SLC12A2: variants seen among roughly 807,000 people sequenced by gnomAD.
The protein encoded by SLC12A2 is Na-K-2Cl cotransporter 1.
SLC12A2 carries 67 observed loss-of-function variants against 136.3 expected under a neutral mutation model. The ratio of observed to expected loss-of-function variants is 0.49; its 90% confidence interval spans 0.40 to 0.60. The LOEUF is 0.60. SLC12A2 is among the 20% of genes least tolerant of loss of function. The pLI is 0.00. For synonymous variants in SLC12A2, 619 were observed against 562.9 expected (o/e 1.10, Z -1.41); for missense variants, 1,322 against 1,534.7 (o/e 0.86, Z 2.32).
chr5:128,089,726 A>G (rs1760241573), intron 1 of SLC12A2, among the ~76,000 whole-genome samples: 1 of 152,200 alleles, frequency 6.6e-6, no homozygotes, highest in African/African-American at 2.4e-5. Flanking sequence ...TGTTCATGGA[A>G]TGTACAAATC....
chr5:128,141,969 GAAC>G lies in SLC12A2; in HGVS notation c.1765_1767del (p.Asn589del). On this transcript the variant is annotated inframe_deletion, in exon 10 of 27. Transcript: ENST00000262461. ...GCAGTCCTTGTTCCTATGGCCTAAT[GAAC>G]AACTTCCAGGTGAGCATTGACTTTG... 6.2e-7 allele frequency: 1 copy of G among 1,613,684 alleles called. No individual in the cohort carries two copies. The highest frequency in any genetic ancestry group is 8.5e-7 in the Non-Finnish European group (1 of 1,179,796).
rs769820032 is a variant in SLC12A2 at position 128,148,929 on chromosome 5, T to G, written c.2005+52T>G. 2.9e-6 allele frequency: 4 copies of G among 1,403,176 alleles called. No homozygotes were observed. The Admixed American group carries it at 9.7e-5, about 34-fold the overall frequency. The allele number at this position is 1,403,176 out of a possible 1,614,324, so 86.9% of individuals were successfully genotyped here. A position where few individuals can be genotyped will look rare whatever the true frequency, so the allele number is the denominator to read the frequency against. ...GTAGATTTTTGGTGCATATTAGTTCTAGACGTTGAATTATTAAATTATTAA... is the reference window on the plus strand; with the variant it reads ...GTAGATTTTTGGTGCATATTAGTTCGAGACGTTGAATTATTAAATTATTAA... On this transcript the variant is annotated intron_variant, in intron 12 of 26. Coordinates refer to ENST00000262461, the MANE Select transcript of SLC12A2 (RefSeq NM_001046.3).
chr5:128,118,670 C>A (rs1386142582), intron 4 of SLC12A2, among the ~76,000 whole-genome samples: 1 of 152,072 alleles, frequency 6.6e-6, no homozygotes, highest in Non-Finnish European at 1.5e-5. Flanking sequence ...TCAGAAATCA[C>A]CATTAAAGAA....
intron 6 of SLC12A2, among the ~76,000 whole-genome samples, chr5:128,135,118 C>G (rs942390607): frequency 1.3e-5 from 2 of 151,950 alleles, no homozygotes; most frequent in African/African-American, 4.8e-5. Flanking sequence ...CATGAGTGTT[C>G]AGGTTTATTG....
intron 1 of SLC12A2, chr5:128,110,062 C>T (rs1761087004): frequency 1.0e-6 from 1 of 985,196 alleles, no homozygotes; most frequent in Admixed American, 1.7e-5. Context: ...TGTCACTACA[C>T]CTTAAAAGAT....
intron 1 of SLC12A2, among the ~76,000 whole-genome samples, chr5:128,087,321 A>G (rs17839658): frequency 0.12 from 17,700 of 152,258 alleles, 1,092 homozygotes; most frequent in African/African-American, 0.16. Flanking sequence ...GTGATTAGCA[A>G]ACCAGTTACT....
chr5:128,126,660 T>C (rs1036447391), intron 4 of SLC12A2, among the ~76,000 whole-genome samples: 3 of 152,012 alleles, frequency 2.0e-5, no homozygotes, highest in African/African-American at 7.2e-5. Flanking sequence ...TCTCTAGGAC[T>C]TTTCCTCTTT....
intron 1 of SLC12A2, among the ~76,000 whole-genome samples, chr5:128,090,624 G>A (rs548379198): frequency 5.9e-5 from 9 of 152,282 alleles, no homozygotes; most frequent in Admixed American, 3.9e-4. Flanking sequence ...AAAGCAGGGC[G>A]AGGAAAATTA....
At chr5:128,109,012 C>A (rs1761043731) in intron 1 of SLC12A2, among the ~76,000 whole-genome samples, 1 of 152,020 alleles carries the variant, frequency 6.6e-6, no homozygotes, top group African/African-American at 2.4e-5. Flanking sequence ...GAACTACTAT[C>A]CTAAATGTTT....
rs1188350247 is a variant in SLC12A2, at chr5:128,127,207, T to G, written c.1049-3860T>G. On this transcript the variant is annotated intron_variant, in intron 4 of 26. Transcript: ENST00000262461. ...CACGATCTCGGCTCACTGCAAGCTC[T>G]GCCTCCCGGGTTCGTGCCATTCTCC... Among the ~76,000 whole-genome samples the G allele has an allele frequency of 2.1e-5, 3 of 142,274 alleles. No individual in the cohort carries two copies. In the East Asian group the frequency reaches 6.3e-4, roughly 30 times the overall value. 93.3% of individuals were successfully genotyped at this position (142,274 alleles called of 152,430 possible). A position where few individuals can be genotyped will look rare whatever the true frequency, so the allele number is the denominator to read the frequency against.
rs772485519 is a variant in SLC12A2, at chr5:128,151,233, A to T, written c.2108-8A>T. On this transcript the variant is annotated splice_region_variant and splice_polypyrimidine_tract_variant and intron_variant, in intron 13 of 26. Coordinates refer to ENST00000262461, the MANE Select transcript of SLC12A2 (RefSeq NM_001046.3). The stretch of plus-strand genomic sequence containing the variant: ...TTTGTGTGACTTTTATTTATTTGTT[A>T]TTGTTAGGATGGCGTCCTGCATTCA... 1.2e-5 allele frequency: 19 copies of T among 1,597,770 alleles called. No homozygotes were observed. The East Asian group carries it at 4.0e-4, about 34-fold the overall frequency.
At chr5:128,134,775 G>A (rs1762133689) in intron 6 of SLC12A2, among the ~76,000 whole-genome samples, 1 of 152,028 alleles carries the variant, frequency 6.6e-6, no homozygotes, top group Admixed American at 6.6e-5. Flanking sequence ...ACCCAGAAGT[G>A]TTTTTGTCTC....
At chr5:128,119,172 C>G (rs1561668377) in intron 4 of SLC12A2, among the ~76,000 whole-genome samples, 1 of 151,940 alleles carries the variant, frequency 6.6e-6, no homozygotes, top group South Asian at 2.1e-4. Context: ...GGTAATAGAG[C>G]TAGAATTATC....
intron 1 of SLC12A2, among the ~76,000 whole-genome samples, chr5:128,102,441 A>T (rs1013368797): frequency 1.3e-5 from 2 of 151,752 alleles, no homozygotes; most frequent in Non-Finnish European, 2.9e-5. Context: ...TGTCACCTTT[A>T]TGTATTCCTG....
At chr5:128,161,928 A>AGT in intron 17 of SLC12A2, 128 bp downstream of exon 17, 2 of 596,086 alleles carry the variant, frequency 3.4e-6, no homozygotes, top group Non-Finnish European at 5.1e-6. Context: ...TCTTTATTAA[A>AGT]GTAAACTACT....
chr5:128,140,254 C>G (rs931339963), intron 9 of SLC12A2, among the ~76,000 whole-genome samples: 3 of 152,162 alleles, frequency 2.0e-5, no homozygotes, highest in African/African-American at 7.2e-5. Flanking sequence ...CTGCCTTAAC[C>G]TCCCCAAGTG....
intron 20 of SLC12A2, among the ~76,000 whole-genome samples, chr5:128,176,661 A>G (rs1426088031): frequency 6.6e-6 from 1 of 151,934 alleles, no homozygotes; most frequent in African/African-American, 2.4e-5. Flanking sequence ...ATTTTTTACA[A>G]ACAACAAATA....
rs1160576899 is a variant in SLC12A2, at chr5:128,178,649, A to G, written c.3060A>G (p.Gly1020=). The change falls in exon 22 of 27, where the codon GGA becomes GGG. Residue 1020 remains glycine (G), a synonymous_variant. Coordinates refer to ENST00000262461, the MANE Select transcript of SLC12A2 (RefSeq NM_001046.3). ...EASTQFQKKQ[G]KNTIDVWWLF... ...GTACACAGTTTCAGAAAAAACAAGG[A>G]AAGAATACTATTGATGTCTGGTGGC... 8 of 1,600,148 alleles carry G rather than the reference A, an allele frequency of 5.0e-6. No homozygotes were observed. Among genetic ancestry groups the G allele is most frequent in the African/African-American group, 1.3e-5 (1 of 74,160 alleles).
At chr5:128,091,169 G>A (rs1480666055) in intron 1 of SLC12A2, among the ~76,000 whole-genome samples, 6 of 152,146 alleles carry the variant, frequency 3.9e-5, no homozygotes, top group Non-Finnish European at 7.3e-5. Context: ...TGTTTCAGAG[G>A]TAGAATTGTT....
Sources: allele counts gnomAD v4.1 joint callset (sites outside exome capture counted in the v4.1 genomes callset), GRCh38; gene constraint gnomAD v4.1.1; transcripts MANE v1.5; gene names NCBI Gene and HGNC (gene_info 2026-07-23, HGNC 2026-07-21).